The following POU2F1 variants were observed in gnomAD, a reference collection of about 807,000 sequenced individuals.
POU2F1 encodes POU class 2 homeobox 1.
POU2F1 carries 16 observed loss-of-function variants against 84.9 expected under a neutral mutation model. That is an observed-to-expected ratio of 0.19 (90% CI 0.13 to 0.29). The LOEUF is 0.29. POU2F1 is among the 10% of genes least tolerant of loss of function. The pLI is 1.00. For missense variants in POU2F1, 738 were observed against 942.6 expected (o/e 0.78, Z 2.84); for synonymous variants, 368 against 368.3 (o/e 1.00, Z 0.01).
intron 8 of POU2F1, among the ~76,000 whole-genome samples, chr1:167,387,430 A>C (rs1045087324): frequency 6.6e-6 from 1 of 152,230 alleles, no homozygotes; most frequent in African/African-American, 2.4e-5. Context: ...CAAAATGGTC[A>C]GGTTGAAAAT....
rs1287037801 is a variant in POU2F1 at position 167,338,344 on chromosome 1, T to C, written c.127+5809T>C. 4 of 403,758 alleles carry C rather than the reference T, an allele frequency of 9.9e-6. No individual in the cohort carries two copies. The Admixed American group carries it at 1.1e-4, about 11-fold the overall frequency. The allele number at this position is 403,758 out of a possible 1,614,324, so 25.0% of individuals were successfully genotyped here. A position where few individuals can be genotyped will look rare whatever the true frequency, so the allele number is the denominator to read the frequency against. On this transcript the variant is annotated intron_variant, in intron 2 of 15. Transcript: ENST00000367866. ...ATATAATACATATACAAATATGTTT[T>C]AGTCAACTGTTTATGTTATCAGCAA...
intron 1 of POU2F1, among the ~76,000 whole-genome samples, chr1:167,328,269 A>G (rs1410068605): frequency 6.6e-6 from 1 of 152,210 alleles, no homozygotes; most frequent in Non-Finnish European, 1.5e-5. Context: ...ATTTGGTAAT[A>G]TAAAAAGATT....
chr1:167,221,146 C>T (rs1421261225), intron 1 of POU2F1, among the ~76,000 whole-genome samples, 188 bp downstream of exon 1: 1 of 151,104 alleles, frequency 6.6e-6, no homozygotes, highest in Non-Finnish European at 1.5e-5. Context: ...TCGGAGCGGC[C>T]AGGCGGAGGG....
chr1:167,329,352 TAGAGTGTGTCGGGTTG>T lies in POU2F1; in HGVS notation c.62-3116_62-3101del. 4 of 1,535,630 alleles carry T rather than the reference TAGAGTGTGTCGGGTTG, an allele frequency of 2.6e-6. No homozygotes were observed. The South Asian group carries it at 4.8e-5, about 18-fold the overall frequency. ...TTTCTTAGAAGCTTTAATATGGAAA[TAGAGTGTGTCGGGTTG>T]ACTATGCATAAATGCTTAATCGCAT... is the stretch of plus-strand genomic sequence containing the variant. On this transcript the variant is annotated intron_variant, in intron 1 of 15. Transcript: ENST00000367866.
chr1:167,320,785 T>C (rs894684996), intron 1 of POU2F1, among the ~76,000 whole-genome samples: 2 of 152,228 alleles, frequency 1.3e-5, no homozygotes, highest in African/African-American at 2.4e-5. Flanking sequence ...TTGAGCCTTA[T>C]ACGCTTGCTT....
chr1:167,361,896 T>G (rs1043678673), intron 2 of POU2F1, among the ~76,000 whole-genome samples: 46 of 151,956 alleles, frequency 3.0e-4, no homozygotes, highest in Non-Finnish European at 5.9e-4. Context: ...TCTTGAATGG[T>G]TTTTTTTCTA....
intron 9 of POU2F1, among the ~76,000 whole-genome samples, chr1:167,392,208 G>T (rs541988845): frequency 6.6e-6 from 1 of 151,894 alleles, no homozygotes; most frequent in Non-Finnish European, 1.5e-5. Context: ...AAAATTAGCC[G>T]GGCGTGCTGG....
intron 9 of POU2F1, among the ~76,000 whole-genome samples, chr1:167,394,907 T>G (rs1215326155): frequency 6.6e-6 from 1 of 152,178 alleles, no homozygotes; most frequent in East Asian, 1.9e-4. Flanking sequence ...AATGTAGTGT[T>G]CAAAAGATGG....
At chr1:167,258,472 G>A (rs1651311404) in intron 1 of POU2F1, among the ~76,000 whole-genome samples, 1 of 152,072 alleles carries the variant, frequency 6.6e-6, no homozygotes, top group Non-Finnish European at 1.5e-5. Context: ...AATTTGTTTT[G>A]CTTTCTTCTT....
At chr1:167,388,249 A>G (rs987284555) in intron 8 of POU2F1, among the ~76,000 whole-genome samples, 10 of 152,228 alleles carry the variant, frequency 6.6e-5, no homozygotes, top group African/African-American at 2.2e-4. Context: ...ATTGAGTAGT[A>G]AGAGAAATAC....
At chr1:167,323,501 C>T (rs1656468139) in intron 1 of POU2F1, among the ~76,000 whole-genome samples, 1 of 152,142 alleles carries the variant, frequency 6.6e-6, no homozygotes, top group Non-Finnish European at 1.5e-5. Context: ...CAGTGAGCCA[C>T]CACTTAAATG....
intron 7 of POU2F1, among the ~76,000 whole-genome samples, chr1:167,382,662 ACC>A (rs1263087249): frequency 1.3e-5 from 2 of 152,254 alleles, no homozygotes; most frequent in South Asian, 4.2e-4. Flanking sequence ...ACTTCCATAA[ACC>A]TGCCTTTTAA....
chr1:167,281,049 C>A (rs187421810), intron 1 of POU2F1, among the ~76,000 whole-genome samples: 1 of 152,314 alleles, frequency 6.6e-6, no homozygotes. Flanking sequence ...AAGTATCTTA[C>A]AAGATTACAT....
chr1:167,315,218 A>G (rs763261162), intron 1 of POU2F1, among the ~76,000 whole-genome samples: 4 of 152,218 alleles, frequency 2.6e-5, no homozygotes, highest in Non-Finnish European at 4.4e-5. Context: ...ATACATACAT[A>G]TGCCCTATGA....
intron 1 of POU2F1, among the ~76,000 whole-genome samples, chr1:167,237,744 GTGTATATA>G (rs1412495454): frequency 7.0e-3 from 129 of 18,482 alleles, no homozygotes; most frequent in African/African-American, 0.011. Context: ...ATATGTGTGT[GTGTATATA>G]TATATATATA....
intron 9 of POU2F1, among the ~76,000 whole-genome samples, chr1:167,391,656 A>T (rs997990160): frequency 7.8e-6 from 1 of 127,532 alleles, no homozygotes; most frequent in Non-Finnish European, 1.5e-5. Flanking sequence ...TGCAGCCTTG[A>T]CCTCCAGGGG....
At chr1:167,302,245 G>A (rs571577161) in intron 1 of POU2F1, among the ~76,000 whole-genome samples, 2 of 151,820 alleles carry the variant, frequency 1.3e-5, no homozygotes, top group South Asian at 2.1e-4. Context: ...CACCACACCC[G>A]GCTAATTTTT....
intron 1 of POU2F1, among the ~76,000 whole-genome samples, chr1:167,303,052 A>G (rs1654825197): frequency 6.6e-6 from 1 of 152,178 alleles, no homozygotes; most frequent in Non-Finnish European, 1.5e-5. Flanking sequence ...ATCTATTGCT[A>G]TCTATATCGT....
chr1:167,304,969 A>G (rs1051318973), intron 1 of POU2F1, among the ~76,000 whole-genome samples: 1 of 152,196 alleles, frequency 6.6e-6, no homozygotes, highest in Non-Finnish European at 1.5e-5. Context: ...GCCTGGGGGT[A>G]AATAAGGCTT....
Sources: allele counts gnomAD v4.1 joint callset (sites outside exome capture counted in the v4.1 genomes callset), GRCh38; gene constraint gnomAD v4.1.1; transcripts MANE v1.5; gene names NCBI Gene and HGNC (gene_info 2026-07-23, HGNC 2026-07-21).